Variants in DAPK1 observed in about 807,000 individuals in gnomAD.
DAPK1 encodes death-associated protein kinase 1.
In DAPK1, 56 loss-of-function variants were observed where a neutral mutation model predicts 144.9. That is an observed-to-expected ratio of 0.39 (90% CI 0.31 to 0.48). DAPK1 has a LOEUF of 0.48. DAPK1 is among the 20% of genes least tolerant of loss of function. DAPK1 has a pLI of 0.95. For missense variants in DAPK1, 1,454 were observed against 1,875.4 expected, an observed-to-expected ratio of 0.78 and a Z score of 4.15; for synonymous variants, 690 against 749.0, an observed-to-expected ratio of 0.92 and a Z score of 1.29.
At chr9:87,578,483 T>G (rs1287511399) in intron 2 of DAPK1, among the ~76,000 whole-genome samples, 1 of 152,222 alleles carries the variant, frequency 6.6e-6, no homozygotes, top group Non-Finnish European at 1.5e-5. Context: ...GATTATTTCC[T>G]TAGGATAGAT....
intron 2 of DAPK1, among the ~76,000 whole-genome samples, chr9:87,504,446 A>AG (rs1824513671): frequency 6.6e-6 from 1 of 152,172 alleles, no homozygotes; most frequent in Non-Finnish European, 1.5e-5. Flanking sequence ...TTTAGGTTCA[A>AG]GGGGGCCAGG....
chr9:87,592,486 C>T (rs763835459), intron 2 of DAPK1, among the ~76,000 whole-genome samples: 6 of 152,232 alleles, frequency 3.9e-5, no homozygotes, highest in Admixed American at 3.9e-4. Context: ...ATCCCTGCTT[C>T]AGGAGATACC....
chr9:87,628,105 T>C (rs1352803914), intron 3 of DAPK1, among the ~76,000 whole-genome samples: 1 of 152,146 alleles, frequency 6.6e-6, no homozygotes, highest in African/African-American at 2.4e-5. Flanking sequence ...TTCAGGAGGC[T>C]CCTTCCTGCT....
rs36210366 is a variant in DAPK1 at position 87,630,165 on chromosome 9, A to G, written c.285-7778A>G. Among the ~76,000 whole-genome samples, 357 of 152,220 alleles carry G rather than the reference A, an allele frequency of 2.3e-3. 5 individuals carry two copies. The highest frequency in any genetic ancestry group is 8.1e-3 in the African/African-American group (338 of 41,532). ...CCAACCCTTCCTGAATTCCCAACCC[A>G]TAAGATAATTGTCATGATTAAAGCC... is the stretch of plus-strand genomic sequence containing the variant. On this transcript the variant is annotated intron_variant, in intron 3 of 25. Coordinates refer to ENST00000408954, the MANE Select transcript of DAPK1 (RefSeq NM_004938.4).
intron 3 of DAPK1, among the ~76,000 whole-genome samples, chr9:87,620,875 C>G (rs969011423): frequency 6.6e-5 from 10 of 152,162 alleles, no homozygotes; most frequent in African/African-American, 1.9e-4. Flanking sequence ...GAAGAGATGC[C>G]TGGAGGCCCC....
intron 3 of DAPK1, among the ~76,000 whole-genome samples, chr9:87,618,473 T>TA (rs1417614123): frequency 1.3e-5 from 2 of 152,158 alleles, no homozygotes; most frequent in Middle Eastern, 3.4e-3. Context: ...CATGAAAACT[T>TA]ACACATGAAA....
In DAPK1 at chr9:87,706,714, G is replaced by C; in HGVS notation, c.3643G>C (p.Val1215Leu). The C allele has an allele frequency of 1.2e-6, 2 of 1,612,640 alleles. No individual in the cohort carries two copies. Among genetic ancestry groups the C allele is most frequent in the Non-Finnish European group, 1.7e-6 (2 of 1,179,342 alleles). Residue 1215 changes from valine (V) to leucine (L), a missense_variant, in exon 26 of 26, where the codon GTG (valine) becomes CTG (leucine). This residue lies in a region of DAPK1 where 1,025 missense variants were observed against 1,237.9 expected (regional missense o/e 0.83). Coordinates refer to ENST00000408954, the MANE Select transcript of DAPK1 (RefSeq NM_004938.4). This position sits in a 1 kb window ranked among gnomAD's most constrained non-coding sequence, Gnocchi z 9.0. ...KIKCCLLLDS[V>L]CSTIENVMAT... The stretch of plus-strand genomic sequence containing the variant: ...CAAGTGCTGCCTGCTGCTGGACTCG[G>C]TGTGCAGCACCATTGAGAACGTCAT...
rs145741643 is a variant in DAPK1, at chr9:87,510,021, A to G, written c.62+10882A>G. 9.2e-5 allele frequency among the ~76,000 whole-genome samples: 14 copies of G among 152,302 alleles called. No individual in the cohort carries two copies. The East Asian group carries it at 2.7e-3, about 29-fold the overall frequency. ...TACAGTTCGCCCATTTAGAATCGAT[A>G]AGGGTGTGCCCCAGGCTCCATCGTA... On this transcript the variant is annotated intron_variant, in intron 2 of 25. Transcript: ENST00000408954.
At chr9:87,528,353 G>T (rs1825586366) in intron 2 of DAPK1, among the ~76,000 whole-genome samples, 1 of 151,900 alleles carries the variant, frequency 6.6e-6, no homozygotes. Context: ...GAGTAGCTGG[G>T]ATTACAGGTG....
chr9:87,538,199 A>G (rs1825925206), intron 2 of DAPK1, among the ~76,000 whole-genome samples: 1 of 152,232 alleles, frequency 6.6e-6, no homozygotes, highest in Non-Finnish European at 1.5e-5. Flanking sequence ...TGAGCTAAAT[A>G]ATGGCACTAA....
chr9:87,503,877 G>C (rs1227153322), intron 2 of DAPK1, among the ~76,000 whole-genome samples: 1 of 152,164 alleles, frequency 6.6e-6, no homozygotes, highest in African/African-American at 2.4e-5. Flanking sequence ...ATTTTACATT[G>C]GTTTGGATGG....
At chr9:87,579,580 C>G (rs1338660069) in intron 2 of DAPK1, among the ~76,000 whole-genome samples, 1 of 152,098 alleles carries the variant, frequency 6.6e-6, no homozygotes, top group African/African-American at 2.4e-5. Flanking sequence ...AGCAGAGGCA[C>G]CCAGAACTGA....
At chr9:87,572,092 C>T (rs962977344) in intron 2 of DAPK1, among the ~76,000 whole-genome samples, 1 of 152,244 alleles carries the variant, frequency 6.6e-6, no homozygotes, top group African/African-American at 2.4e-5. Context: ...TGGCAACTCC[C>T]ATCCCTCAGT....
chr9:87,529,041 C>T (rs1488100631), intron 2 of DAPK1, among the ~76,000 whole-genome samples: 1 of 152,150 alleles, frequency 6.6e-6, no homozygotes, highest in Non-Finnish European at 1.5e-5. Flanking sequence ...GCTCACCTCC[C>T]AGGTGCTGGC....
intron 10 of DAPK1, 52 bp from the exon 11 acceptor site, chr9:87,643,324 T>C: frequency 8.9e-7 from 1 of 1,127,862 alleles, no homozygotes; most frequent in Non-Finnish European, 1.3e-6. Flanking sequence ...CCTCTCACCC[T>C]GCCTTTTTCC....
At chr9:87,539,996 A>C (rs931950140) in intron 2 of DAPK1, among the ~76,000 whole-genome samples, 2 of 152,108 alleles carry the variant, frequency 1.3e-5, no homozygotes, top group African/African-American at 4.8e-5. Flanking sequence ...GAAGCCGTCA[A>C]GTGCTTCCTT....
rs771848166 is a variant in DAPK1, at chr9:87,640,869, T to G, written c.828+22T>G. On this transcript the variant is annotated intron_variant, in intron 9 of 25. Coordinates refer to ENST00000408954, the MANE Select transcript of DAPK1 (RefSeq NM_004938.4). ...CAAGGTGAGTTGCATATTACGAAACTGTTTAGATCACTTTCTATGTGATTG... is the reference window on the plus strand; with the variant it reads ...CAAGGTGAGTTGCATATTACGAAACGGTTTAGATCACTTTCTATGTGATTG... 5 of 1,612,136 alleles carry G rather than the reference T, an allele frequency of 3.1e-6. No individual in the cohort carries two copies. In the Admixed American group the frequency reaches 6.7e-5, roughly 21 times the overall value.
intron 2 of DAPK1, among the ~76,000 whole-genome samples, chr9:87,504,768 A>G (rs1439412117): frequency 6.6e-6 from 1 of 152,248 alleles, no homozygotes; most frequent in Non-Finnish European, 1.5e-5. Flanking sequence ...GTATTTGCAT[A>G]TAACTGATGT....
chr9:87,663,159 C>T (rs1188608776), intron 18 of DAPK1, among the ~76,000 whole-genome samples: 1 of 152,112 alleles, frequency 6.6e-6, no homozygotes, highest in Non-Finnish European at 1.5e-5. Flanking sequence ...TCCTTGCCTC[C>T]CCTACTCCTG....
Sources: allele counts gnomAD v4.1 joint callset (sites outside exome capture counted in the v4.1 genomes callset), GRCh38; gene constraint gnomAD v4.1.1; regional missense constraint gnomAD v4.1.1; non-coding constraint Gnocchi (gnomAD v3.1); transcripts MANE v1.5; gene names NCBI Gene and HGNC (gene_info 2026-07-23, HGNC 2026-07-21).